Variants in USP37 observed in about 807,000 individuals in gnomAD.
USP37 encodes the protein ubiquitin specific peptidase 37, also known as ubiquitin carboxyl-terminal hydrolase 37.
Under a neutral mutation model 124.0 loss-of-function variants are expected in USP37, and 27 were observed. That is an observed-to-expected ratio of 0.22 (90% confidence interval 0.16 to 0.30). The LOEUF is 0.30. Among genes scored for constraint, USP37 ranks in the 10% least tolerant of loss-of-function variants. The pLI is 1.00. For missense variants in USP37, 889 were observed against 1,140.4 expected (o/e 0.78, Z 3.17); for synonymous variants, 365 against 388.0 (o/e 0.94, Z 0.70).
chr2:218,468,132 G>A (rs529055566), intron 20 of USP37, among the ~76,000 whole-genome samples: 10 of 145,616 alleles, frequency 6.9e-5, no homozygotes, highest in East Asian at 6.4e-4. Flanking sequence ...CAAGTGATCC[G>A]CCCACCTCGG....
chr2:218,538,577 G>A (rs187980699), intron 8 of USP37, among the ~76,000 whole-genome samples: 4 of 152,128 alleles, frequency 2.6e-5, no homozygotes, highest in Admixed American at 6.5e-5. Context: ...CATGAATAAC[G>A]TAACAGCCAT....
chr2:218,553,436 TG>T, intron 5 of USP37, 116 bp downstream of exon 5: 3 of 885,090 alleles, frequency 3.4e-6, no homozygotes, highest in Non-Finnish European at 3.1e-6. Context: ...AAATCTTATT[TG>T]CTCATGGTGT....
intron 10 of USP37, among the ~76,000 whole-genome samples, chr2:218,512,701 C>T (rs903581171): frequency 1.3e-5 from 2 of 152,214 alleles, no homozygotes; most frequent in Non-Finnish European, 2.9e-5. Flanking sequence ...ACCTAAAAGT[C>T]GGCATTATCT....
chr2:218,484,848 G>C (rs568257878), intron 16 of USP37, among the ~76,000 whole-genome samples: 21 of 152,256 alleles, frequency 1.4e-4, no homozygotes, highest in African/African-American at 5.1e-4. Context: ...TGGTGTTTGC[G>C]ATCTATTCTT....
chr2:218,536,583 T>C (rs1691661398), intron 8 of USP37, among the ~76,000 whole-genome samples: 1 of 152,246 alleles, frequency 6.6e-6, no homozygotes, highest in Non-Finnish European at 1.5e-5. Flanking sequence ...GGATGAAGAC[T>C]AACCTTCATG....
Position 218,455,679 on chromosome 2 carries a change from G to C in USP37, c.2753C>G (p.Ala918Gly). 6.2e-7 allele frequency: 1 copy of C among 1,614,108 alleles called. No individual in the cohort carries two copies. The highest frequency in any genetic ancestry group is 1.6e-4 in the Middle Eastern group (1 of 6,062). ...ISDVYDIKKQ[A>G]WFTYNDLEVS... The stretch of plus-strand genomic sequence containing the variant: ...CTCCAGGTCATTGTAAGTAAACCAC[G>C]CTTGCTTCTTAATGTCATATACATC... The change falls in exon 25 of 26, where the codon GCG becomes GGG. Residue 918 changes from alanine (A) to glycine (G), a missense_variant. Around this residue, in one of 3 missense-constraint regions of USP37, gnomAD observed 504 missense variants for 714.3 expected, o/e 0.71. Transcript: ENST00000258399.
At chr2:218,540,094 C>T (rs1209965449) in intron 8 of USP37, among the ~76,000 whole-genome samples, 3 of 152,222 alleles carry the variant, frequency 2.0e-5, no homozygotes, top group Admixed American at 1.3e-4. Context: ...CTCTTTGGCA[C>T]ATCTGAATTG....
At chr2:218,561,113 T>C (rs1389325797) in intron 2 of USP37, among the ~76,000 whole-genome samples, 1 of 152,232 alleles carries the variant, frequency 6.6e-6, no homozygotes, top group Non-Finnish European at 1.5e-5. Context: ...AAACTAGTAA[T>C]GCTACAGAGC....
At chr2:218,551,798 C>CT (rs202058272) in intron 5 of USP37, among the ~76,000 whole-genome samples, 3,884 of 145,930 alleles carry the variant, frequency 0.027, 149 homozygotes, top group African/African-American at 0.085. Context: ...TTTCTTGATT[C>CT]TTTTTTTTTT....
intron 21 of USP37, among the ~76,000 whole-genome samples, chr2:218,464,002 C>G (rs1353677172): frequency 2.6e-5 from 4 of 150,966 alleles, no homozygotes; most frequent in Non-Finnish European, 5.9e-5. Flanking sequence ...ACTACAGGTG[C>G]GTGCCACCAC....
rs940664017 is a variant in USP37 at position 218,459,064 on chromosome 2, A to C, written c.2643+726T>G. On this transcript the variant is annotated intron_variant, in intron 23 of 25. Transcript: ENST00000258399. ...TTTGAGGAGAAAAAGCAATTATTTA[A>C]GGGGGGAAAAAGGGTTAAAAAAAAA... Among the ~76,000 whole-genome samples the C allele has an allele frequency of 1.5e-4, 15 of 99,638 alleles. 1 individual carries two copies. Among genetic ancestry groups the C allele is most frequent in the Admixed American group, 1.4e-3 (11 of 8,042 alleles). 65.4% of individuals were successfully genotyped at this position (99,638 alleles called of 152,430 possible).
intron 4 of USP37, 95 bp downstream of exon 4, chr2:218,558,400 CTAG>C: frequency 9.3e-7 from 1 of 1,070,382 alleles, no homozygotes; most frequent in Non-Finnish European, 1.3e-6. Flanking sequence ...AAATATTAAT[CTAG>C]GAGGAGGGCT....
intron 10 of USP37, among the ~76,000 whole-genome samples, chr2:218,522,814 C>G (rs2106016225): frequency 6.6e-6 from 1 of 152,058 alleles, no homozygotes; most frequent in African/African-American, 2.4e-5. Flanking sequence ...ATAAATAGTA[C>G]AGGTTGAGTA....
chr2:218,548,628 C>A (rs1692504374), intron 6 of USP37, among the ~76,000 whole-genome samples: 1 of 152,078 alleles, frequency 6.6e-6, no homozygotes, highest in South Asian at 2.1e-4. Flanking sequence ...CAGGAGTGAG[C>A]CACCACGCCT....
intron 11 of USP37, among the ~76,000 whole-genome samples, chr2:218,498,782 A>G (rs1457950630): frequency 1.3e-5 from 2 of 152,158 alleles, no homozygotes; most frequent in Non-Finnish European, 2.9e-5. Flanking sequence ...ATGGAAAAGT[A>G]TACATTTTCA....
intron 10 of USP37, among the ~76,000 whole-genome samples, chr2:218,527,089 G>T (rs971892257): frequency 5.3e-5 from 8 of 152,028 alleles, no homozygotes; most frequent in African/African-American, 1.7e-4. Flanking sequence ...CGCCCGGCCT[G>T]CTTTTATCAT....
chr2:218,493,341 T>C (rs552609329), intron 14 of USP37, among the ~76,000 whole-genome samples: 23 of 152,344 alleles, frequency 1.5e-4, no homozygotes, highest in African/African-American at 5.5e-4. Flanking sequence ...GGTGTGCCTA[T>C]ATCCCATGAC....
At chr2:218,552,958 A>G (rs960982747) in intron 5 of USP37, among the ~76,000 whole-genome samples, 84 of 151,450 alleles carry the variant, frequency 5.5e-4, no homozygotes, top group African/African-American at 2.0e-3. Flanking sequence ...AATAAATAAT[A>G]AAAAATCCTG....
chr2:218,524,202 C>T (rs1341406758), intron 10 of USP37, among the ~76,000 whole-genome samples: 2 of 152,078 alleles, frequency 1.3e-5, no homozygotes, highest in East Asian at 1.9e-4. Context: ...AAGTGAAAAA[C>T]TATAATTTTC....
Sources: gnomAD v4.1 joint callset for allele counts (sites outside exome capture counted in the v4.1 genomes callset) on GRCh38, gnomAD v4.1.1 for gene constraint, gnomAD v4.1.1 regional missense constraint, MANE v1.5 for transcripts, NCBI Gene and HGNC (gene_info 2026-07-23, HGNC 2026-07-21) for gene names.